TENM3: variants seen among roughly 807,000 people sequenced by gnomAD.
The protein encoded by TENM3 is teneurin-3.
Under a neutral mutation model 255.1 loss-of-function variants are expected in TENM3, and 63 were observed. The observed-to-expected ratio is 0.25, with a 90% CI of 0.20 to 0.30. TENM3 has a LOEUF of 0.30. TENM3 is among the 10% of genes least tolerant of loss of function. The probability of loss-of-function intolerance (pLI) is 1.00; values close to 1 mark genes in which losing one functional copy is unlikely to be tolerated. For missense variants in TENM3, 2,929 were observed against 3,461.1 expected, an observed-to-expected ratio of 0.85 and a Z score of 3.86; for synonymous variants, 1,306 against 1,322.3, an observed-to-expected ratio of 0.99 and a Z score of 0.27.
At chr4:182,575,134 A>G (rs547159728) in intron 3 of TENM3, among the ~76,000 whole-genome samples, 2 of 152,312 alleles carry the variant, frequency 1.3e-5, no homozygotes, top group South Asian at 4.1e-4. Flanking sequence ...CCAGGAATAC[A>G]AGTAAAACTG....
At chr4:181,890,721 C>A in the TENM3 span, among the ~76,000 whole-genome samples, 1 of 152,100 alleles carries the variant, frequency 6.6e-6, no homozygotes, top group Non-Finnish European at 1.5e-5. Flanking sequence ...ATTATTTTTA[C>A]TTAAAGGGGC....
chr4:182,770,772 A>G (rs191215499), intron 22 of TENM3, among the ~76,000 whole-genome samples: 1 of 152,298 alleles, frequency 6.6e-6, no homozygotes, highest in African/African-American at 2.4e-5. Flanking sequence ...TGTTTTCACA[A>G]TATCCTCACG....
the TENM3 span, chr4:181,820,401 T>C: frequency 3.3e-5 from 5 of 152,210 alleles, no homozygotes; most frequent in South Asian, 1.0e-3. Context: ...ATTTTCACAG[T>C]AGATTAAGTA....
intron 1 of TENM3, among the ~76,000 whole-genome samples, chr4:182,251,085 G>GT (rs1757983198): frequency 1.3e-5 from 2 of 152,184 alleles, no homozygotes; most frequent in Non-Finnish European, 2.9e-5. Flanking sequence ...TCATTTGAAG[G>GT]GTTCGGGGCC....
chr4:182,481,181 T>C (rs1439484623), intron 3 of TENM3, among the ~76,000 whole-genome samples: 1 of 152,158 alleles, frequency 6.6e-6, no homozygotes, highest in African/African-American at 2.4e-5. Context: ...ATATATTTTT[T>C]AAAGAAACAG....
the TENM3 span, among the ~76,000 whole-genome samples, chr4:181,814,758 C>T: frequency 1.4e-4 from 22 of 152,124 alleles, no homozygotes; most frequent in Admixed American, 7.2e-4. Flanking sequence ...CTTCCCAAAA[C>T]ATCTAGGCCC....
the TENM3 span, among the ~76,000 whole-genome samples, chr4:181,887,775 G>C: frequency 6.6e-6 from 1 of 152,108 alleles, no homozygotes; most frequent in Non-Finnish European, 1.5e-5. Flanking sequence ...CTTCAAAATG[G>C]GGAACAACCT....
At chr4:181,805,720 C>T in the TENM3 span, among the ~76,000 whole-genome samples, 1 of 152,068 alleles carries the variant, frequency 6.6e-6, no homozygotes, top group Non-Finnish European at 1.5e-5. Flanking sequence ...CTTAGCAAAG[C>T]TCTGCTATGG....
chr4:182,430,323 C>T (rs937996734), intron 3 of TENM3, among the ~76,000 whole-genome samples: 2 of 152,006 alleles, frequency 1.3e-5, no homozygotes, highest in Non-Finnish European at 2.9e-5. Flanking sequence ...CCGAGGCAGG[C>T]GGATCACGAG....
the TENM3 span, among the ~76,000 whole-genome samples, chr4:181,869,807 T>C: frequency 6.6e-6 from 1 of 151,988 alleles, no homozygotes; most frequent in South Asian, 2.1e-4. Flanking sequence ...AAATAAAATA[T>C]CACAAGAATG....
At chr4:182,402,190 G>A (rs573199236) in intron 3 of TENM3, among the ~76,000 whole-genome samples, 9 of 152,230 alleles carry the variant, frequency 5.9e-5, no homozygotes, top group South Asian at 4.1e-4. Context: ...ACCTGCTCAC[G>A]TCACTCACTT....
the TENM3 span, among the ~76,000 whole-genome samples, chr4:182,062,966 T>C: frequency 1.6e-4 from 24 of 152,358 alleles, no homozygotes; most frequent in African/African-American, 4.8e-4. Flanking sequence ...TTATGTTGTT[T>C]TCCACAGAAT....
At chr4:182,482,551 G>A (rs188639523) in intron 3 of TENM3, among the ~76,000 whole-genome samples, 412 of 152,268 alleles carry the variant, frequency 2.7e-3, no homozygotes, top group African/African-American at 9.2e-3. Flanking sequence ...TCACTGCACT[G>A]TAGGTTAGAA....
chr4:182,473,483 C>A lies in TENM3; in HGVS notation c.511+126554C>A, dbSNP rs10021096. ...AGTCAGGAGATCGAGACCATGCTGG[C>A]TAACACAGTGAAACCCCGTCTCTAC... On this transcript the variant is annotated intron_variant, in intron 3 of 27. Coordinates refer to ENST00000511685, the MANE Select transcript of TENM3 (RefSeq NM_001080477.4). 5.7e-3 allele frequency among the ~76,000 whole-genome samples: 864 copies of A among 152,242 alleles called. 5 individuals are homozygous for A. The highest frequency in any genetic ancestry group is 0.019 in the African/African-American group (810 of 41,544).
At chr4:181,986,538 G>A in the TENM3 span, among the ~76,000 whole-genome samples, 3 of 152,070 alleles carry the variant, frequency 2.0e-5, no homozygotes, top group Non-Finnish European at 2.9e-5. Flanking sequence ...TTTGCCCTTG[G>A]TATCAGTCTC....
At chr4:182,345,104 A>G (rs905168501) in intron 2 of TENM3, among the ~76,000 whole-genome samples, 7 of 152,322 alleles carry the variant, frequency 4.6e-5, no homozygotes, top group Admixed American at 3.3e-4. Context: ...AATTGTAGCA[A>G]CTGATTTTCA....
At chr4:181,467,107 A>G in the TENM3 span, among the ~76,000 whole-genome samples, 7 of 58,948 alleles carry the variant, frequency 1.2e-4, no homozygotes, top group South Asian at 5.0e-4. Context: ...GTGTGTGTAT[A>G]TATATATATA....
chr4:181,766,171 G>A, the TENM3 span, among the ~76,000 whole-genome samples: 18 of 152,112 alleles, frequency 1.2e-4, no homozygotes, highest in Non-Finnish European at 2.6e-4. Flanking sequence ...TCCTCATCAC[G>A]AAGTACTGAG....
chr4:181,631,314 A>T, the TENM3 span, among the ~76,000 whole-genome samples: 2 of 151,378 alleles, frequency 1.3e-5, no homozygotes, highest in Non-Finnish European at 2.9e-5. Context: ...TTTTAGACGA[A>T]GTTTCTCTTT....
Sources: allele counts gnomAD v4.1 joint callset (sites outside exome capture counted in the v4.1 genomes callset), GRCh38; gene constraint gnomAD v4.1.1; transcripts MANE v1.5; gene names NCBI Gene and HGNC (gene_info 2026-07-23, HGNC 2026-07-21).